Variants in TPRG1 observed in about 807,000 individuals in gnomAD.
The protein encoded by TPRG1 is tumor protein p63 regulated 1.
Under a neutral mutation model 29.3 loss-of-function variants are expected in TPRG1, and 29 were observed. The observed-to-expected ratio is 0.99, with a 90% CI of 0.74 to 1.35. The LOEUF (loss-of-function observed/expected upper bound fraction) is 1.35. Among genes scored for constraint, TPRG1 ranks in the 40% most tolerant of loss-of-function variants. TPRG1 has a pLI of 0.00. For synonymous variants in TPRG1, 130 were observed against 116.8 expected, an observed-to-expected ratio of 1.11 and a Z score of -0.73; for missense variants, 327 against 335.0, an observed-to-expected ratio of 0.98 and a Z score of 0.19.
At chr3:189,052,802 G>A (rs180767168) in intron 4 of TPRG1, among the ~76,000 whole-genome samples, 1 of 152,040 alleles carries the variant, frequency 6.6e-6, no homozygotes, top group Non-Finnish European at 1.5e-5. Flanking sequence ...GATGAGATTC[G>A]GGACTATTAT....
At chr3:189,181,652 A>G (rs749844786) in intron 1 of TPRG1, among the ~76,000 whole-genome samples, 1 of 152,130 alleles carries the variant, frequency 6.6e-6, no homozygotes, top group Non-Finnish European at 1.5e-5. Context: ...AGTCAAGACC[A>G]CTCAGCAAGT....
intron 5 of TPRG1, among the ~76,000 whole-genome samples, chr3:189,314,511 C>A (rs1453190557): frequency 6.6e-6 from 1 of 152,096 alleles, no homozygotes. Context: ...AACTCTATAC[C>A]ACTTCCACAT....
intron 5 of TPRG1, chr3:189,315,776 T>C (rs9848261): frequency 0.25 from 50,497 of 201,994 alleles, 6,914 homozygotes; most frequent in Non-Finnish European, 0.29. Flanking sequence ...ATGAGCAATA[T>C]TCTGGATTAC....
intron 3 of TPRG1, among the ~76,000 whole-genome samples, chr3:189,142,108 G>T (rs1388330206): frequency 6.6e-6 from 1 of 152,200 alleles, no homozygotes. Flanking sequence ...CACTAAGGAA[G>T]ACTTAGAATG....
intron 5 of TPRG1, among the ~76,000 whole-genome samples, chr3:189,311,577 C>G (rs1179718248): frequency 6.6e-6 from 1 of 152,082 alleles, no homozygotes; most frequent in Non-Finnish European, 1.5e-5. Flanking sequence ...GTCTTCATTC[C>G]CCCATAATAC....
At chr3:189,131,838 C>T (rs750054451) in intron 2 of TPRG1, among the ~76,000 whole-genome samples, 28 of 152,170 alleles carry the variant, frequency 1.8e-4, no homozygotes, top group Non-Finnish European at 3.5e-4. Flanking sequence ...AATAGTGCCA[C>T]AGTATAACTC....
At chr3:189,096,651 A>G (rs1427716001), upstream of TPRG1, among the ~76,000 whole-genome samples, 1 of 152,246 alleles carries the variant, frequency 6.6e-6, no homozygotes, top group Non-Finnish European at 1.5e-5. Context: ...TATTTACTCT[A>G]TTAGAAATTA....
At chr3:189,108,657 C>A (rs1465863376) in intron 1 of TPRG1, among the ~76,000 whole-genome samples, 2 of 151,062 alleles carry the variant, frequency 1.3e-5, no homozygotes, top group African/African-American at 4.9e-5. Flanking sequence ...ACTAAAAATT[C>A]TTTGTTTCTG....
At chr3:189,214,963 A>ATATATATATATATATATTTTATAT (rs1354068761) in intron 2 of TPRG1, among the ~76,000 whole-genome samples, 19 of 135,520 alleles carry the variant, frequency 1.4e-4, no homozygotes, top group South Asian at 2.6e-4. Flanking sequence ...GTTTAATTTA[A>ATATATATATATATATATTTTATAT]AAATGTACAG....
chr3:189,151,452 C>T (rs992263724), intron 5 of TPRG1, among the ~76,000 whole-genome samples: 1 of 152,024 alleles, frequency 6.6e-6, no homozygotes. Flanking sequence ...CAAAGGACTT[C>T]GTTGTAAGGT....
chr3:189,180,741 C>T (rs1027504046), intron 1 of TPRG1, among the ~76,000 whole-genome samples: 52 of 152,286 alleles, frequency 3.4e-4, no homozygotes, highest in African/African-American at 9.9e-4. Context: ...AAACCGTCAG[C>T]GCATTTACTA....
At chr3:189,179,827 C>A (rs141927963) in intron 1 of TPRG1, among the ~76,000 whole-genome samples, 1 of 152,182 alleles carries the variant, frequency 6.6e-6, no homozygotes, top group Non-Finnish European at 1.5e-5. Context: ...GGGGAGTACC[C>A]AAGTTCAAGA....
intron 4 of TPRG1, among the ~76,000 whole-genome samples, chr3:189,078,075 CTCTTTCTCTCTTTCTCTCTT>C (rs1717319094): frequency 1.1e-5 from 1 of 89,102 alleles, no homozygotes; most frequent in Non-Finnish European, 2.3e-5. Flanking sequence ...TCTCCTTTCT[CTCTTTCTCTCTTTCTCTCTT>C]TCTTTCTTTC....
intron 4 of TPRG1, among the ~76,000 whole-genome samples, chr3:189,066,359 A>C (rs1716447321): frequency 6.6e-6 from 1 of 152,110 alleles, no homozygotes; most frequent in African/African-American, 2.4e-5. Context: ...GACAAAGAAC[A>C]TTACAAAAAA....
intron 1 of TPRG1, among the ~76,000 whole-genome samples, chr3:189,103,584 T>G (rs900171095): frequency 6.6e-6 from 1 of 152,202 alleles, no homozygotes. Flanking sequence ...TTTTAATCTT[T>G]TGGCTTACAT....
intron 1 of TPRG1, among the ~76,000 whole-genome samples, chr3:189,193,197 A>G (rs1255864418): frequency 7.6e-6 from 1 of 132,226 alleles, no homozygotes; most frequent in Non-Finnish European, 1.5e-5. Flanking sequence ...GTGCAGTGGC[A>G]TAATTCCATT....
In TPRG1 at chr3:189,056,078, T is replaced by A. The variant is rs1452103282; in HGVS notation, c.-463+32132T>A. 3.1e-5 allele frequency among the ~76,000 whole-genome samples: 4 copies of A among 130,052 alleles called. No individual in the cohort carries two copies. The South Asian group carries it at 1.2e-3, about 39-fold the overall frequency. 85.3% of individuals were successfully genotyped at this position (130,052 alleles called of 152,430 possible). A position where few individuals can be genotyped will look rare whatever the true frequency, so the allele number is the denominator to read the frequency against. ...CTTCCTTCCTTCCTTCCTTCCTTCC[T>A]TCCTTCCTTCCTTCCTTCCTTCCCT... On this transcript the variant is annotated intron_variant, in intron 4 of 10. Coordinates refer to the TPRG1 transcript ENST00000433971.
chr3:189,099,596 G>T (rs1171745309), upstream of TPRG1, among the ~76,000 whole-genome samples: 2 of 152,112 alleles, frequency 1.3e-5, no homozygotes, highest in African/African-American at 4.8e-5. Context: ...GGTGGTGGGG[G>T]TGGATTTCTA....
chr3:189,153,742 G>A (rs768604886), intron 5 of TPRG1, among the ~76,000 whole-genome samples: 11 of 152,212 alleles, frequency 7.2e-5, no homozygotes, highest in Non-Finnish European at 1.3e-4. Context: ...CAGAGAGCTT[G>A]TTGCAGGCCA....
Sources: gnomAD v4.1 joint callset for allele counts (sites outside exome capture counted in the v4.1 genomes callset) on GRCh38, gnomAD v4.1.1 for gene constraint, MANE v1.5 for transcripts, NCBI Gene and HGNC (gene_info 2026-07-23, HGNC 2026-07-21) for gene names.